Variants in SBNO1 observed in about 807,000 individuals in gnomAD.
SBNO1 encodes the protein protein strawberry notch homolog 1.
SBNO1 carries 23 observed loss-of-function variants against 173.6 expected under a neutral mutation model. The ratio of observed to expected loss-of-function variants is 0.13; its 90% CI spans 0.10 to 0.19. The LOEUF is 0.19. SBNO1 is among the 10% of genes least tolerant of loss of function. SBNO1 has a pLI of 1.00. For missense variants in SBNO1, 1,238 were observed against 1,671.2 expected (o/e 0.74, Z 4.52); for synonymous variants, 632 against 571.5 (o/e 1.11, Z -1.51).
At chr12:123,300,681 G>A (rs1285436763) in intron 30 of SBNO1, among the ~76,000 whole-genome samples, 6 of 149,076 alleles carry the variant, frequency 4.0e-5, no homozygotes, top group Non-Finnish European at 5.9e-5. Context: ...GTTTGTAGGG[G>A]CAAGGCGCGG....
At chr12:123,362,981 G>A (rs966288865) in intron 1 of SBNO1, among the ~76,000 whole-genome samples, 2 of 151,852 alleles carry the variant, frequency 1.3e-5, no homozygotes, top group African/African-American at 2.4e-5. Context: ...CAGCTACTCC[G>A]GAGGCTGAAG....
In SBNO1 at chr12:123,320,579, G is replaced by C; in HGVS notation, c.2520C>G (p.Ser840Arg). ...CCACAGCATCCTGACTTGTTATAAGGCTACTGTTACTGTTGGTGTTACTGT... is the reference window on the plus strand; with the variant it reads ...CCACAGCATCCTGACTTGTTATAAGCCTACTGTTACTGTTGGTGTTACTGT... ...PANSNTNSNS[S>R]LITSQDAVER... The change falls in exon 19 of 32, where the codon AGC (serine) becomes AGG (arginine). Residue 840 changes from serine to arginine, a missense_variant. Physicochemically the swap from Ser to Arg is moderately radical, Grantham distance 110 (BLOSUM62 -1). Coordinates refer to ENST00000602398, the MANE Select transcript of SBNO1 (RefSeq NM_001167856.3). The C allele has an allele frequency of 1.9e-6, 3 of 1,613,894 alleles. No homozygotes were observed. Among genetic ancestry groups the C allele is most frequent in the Non-Finnish European group, 2.5e-6 (3 of 1,179,910 alleles).
chr12:123,364,382 C>G (rs941704967), intron 1 of SBNO1: 1 of 985,334 alleles, frequency 1.0e-6, no homozygotes, highest in Non-Finnish European at 1.2e-6. Flanking sequence ...TGCACAGACC[C>G]TGCCCCGCGG....
chr12:123,316,311 G>A (rs980321026), intron 21 of SBNO1, among the ~76,000 whole-genome samples: 13 of 152,030 alleles, frequency 8.6e-5, no homozygotes, highest in African/African-American at 1.2e-4. Flanking sequence ...TGCAACCTCC[G>A]CCTCCCGGGT....
At chr12:123,342,119 C>T (rs534973520) in intron 4 of SBNO1, among the ~76,000 whole-genome samples, 18 of 152,086 alleles carry the variant, frequency 1.2e-4, no homozygotes, top group African/African-American at 3.9e-4. Flanking sequence ...GGCATGGTGG[C>T]GCATGCTCAT....
chr12:123,320,890 G>A (rs751122601), intron 17 of SBNO1, 24 bp from the exon 18 acceptor site: 1 of 1,493,518 alleles, frequency 6.7e-7, no homozygotes, highest in South Asian at 1.3e-5. Context: ...AAAGATACAT[G>A]TCAAATCATT....
At chr12:123,339,045 A>G (rs765378629) in intron 5 of SBNO1, among the ~76,000 whole-genome samples, 4 of 152,144 alleles carry the variant, frequency 2.6e-5, no homozygotes, top group Non-Finnish European at 5.9e-5. Flanking sequence ...TGAGAACCAC[A>G]TAAAACATTT....
Position 123,345,484 on chromosome 12 carries a change from T to C in SBNO1, c.324A>G (p.Thr108=). 1 of 1,614,036 alleles carries C rather than the reference T, an allele frequency of 6.2e-7. No homozygotes were observed. The highest frequency in any genetic ancestry group is 8.5e-7 in the Non-Finnish European group (1 of 1,179,908). Residue 108 remains threonine (T), a synonymous_variant, in exon 4 of 32, where the codon ACA becomes ACG. Coordinates refer to ENST00000602398, the MANE Select transcript of SBNO1 (RefSeq NM_001167856.3). The part of the protein sequence containing the change: ...PLGSTIVMTK[T]PPVTTNRQTI... ...TTTGCCTGTTGGTTGTTACAGGTGG[T>C]GTTTTAGTCATTACAATTGTAGATC...
At chr12:123,326,361 A>G (rs201053622) in intron 13 of SBNO1, 27 bp from the exon 14 acceptor site, 7 of 1,488,114 alleles carry the variant, frequency 4.7e-6, no homozygotes. Context: ...AACATTTCAG[A>G]CACTTCATCT....
chr12:123,335,817 CAG>C (rs529738252), intron 6 of SBNO1, among the ~76,000 whole-genome samples: 17 of 152,136 alleles, frequency 1.1e-4, no homozygotes, highest in Admixed American at 2.0e-4. Flanking sequence ...ATAAGAAAAA[CAG>C]AATTTCAGAT....
At chr12:123,340,777 T>C (rs1033363502) in intron 5 of SBNO1, among the ~76,000 whole-genome samples, 1 of 152,108 alleles carries the variant, frequency 6.6e-6, no homozygotes, top group African/African-American at 2.4e-5. Flanking sequence ...TGCATGTTAG[T>C]GCCACACTCC....
chr12:123,297,680 G>C (rs900086182), intron 31 of SBNO1, among the ~76,000 whole-genome samples: 2 of 152,064 alleles, frequency 1.3e-5, no homozygotes, highest in Admixed American at 1.3e-4. Flanking sequence ...CTGGGCAAGA[G>C]GCTGAACTGT....
chr12:123,328,701 A>G, intron 10 of SBNO1, 33 bp downstream of exon 10: 1 of 1,429,216 alleles, frequency 7.0e-7, no homozygotes. Context: ...TCTTGTCGTT[A>G]AAAAATAGAA....
At chr12:123,302,954 TTACC>T (rs2048832247) in intron 29 of SBNO1, 54 bp from the exon 30 acceptor site, 4 of 1,321,510 alleles carry the variant, frequency 3.0e-6, no homozygotes, top group Non-Finnish European at 4.4e-6. Flanking sequence ...AATAAACTGG[TTACC>T]TAGTCTGGTC....
Position 123,327,410 on chromosome 12 carries a change from A to C in SBNO1, c.1692+16T>G, listed in dbSNP as rs770711424. On this transcript the variant is annotated intron_variant, in intron 13 of 31. Coordinates refer to ENST00000602398, the MANE Select transcript of SBNO1 (RefSeq NM_001167856.3). ...ATACATTAAATAAACACTAGGAATT[A>C]AGAAAAATTCCTCACCAGCTTGACA... The C allele has an allele frequency of 4.4e-6, 7 of 1,599,946 alleles. No individual in the cohort carries two copies. In the South Asian group the frequency reaches 6.7e-5, roughly 15 times the overall value.
Position 123,323,812 on chromosome 12 carries a change from T to C in SBNO1, c.1993A>G (p.Ile665Val), listed in dbSNP as rs756195658. ...TCTGGAGCAGGAAAATGTTTTTCAATGAGTGACTGCAACACACCTCTGTAG... is the reference window on the plus strand; with the variant it reads ...TCTGGAGCAGGAAAATGTTTTTCAACGAGTGACTGCAACACACCTCTGTAG... ...STAKGVLQSL[I>V]EKHFPAPDRK... The change falls in exon 16 of 32, where the codon ATT (isoleucine) becomes GTT (valine). Residue 665 changes from isoleucine to valine, a missense_variant. Transcript: ENST00000602398. 2 of 1,611,300 alleles carry C rather than the reference T, an allele frequency of 1.2e-6. No homozygotes were observed. Among genetic ancestry groups the C allele is most frequent in the Non-Finnish European group, 1.7e-6 (2 of 1,179,120 alleles).
Position 123,334,057 on chromosome 12 carries a change from G to A in SBNO1, c.905C>T (p.Ala302Val), listed in dbSNP as rs1379854266. The change falls in exon 7 of 32, where the codon GCC becomes GTC. Residue 302 changes from alanine to valine, a missense_variant. Transcript: ENST00000602398. ...TTATGAAATATTATTGCTTACCTGG[G>A]CTGCATATGTAATTGCCTCAAGCTG... ...ALQLEAITYA[A>V]QQHETFLPNG... 16 of 1,569,134 alleles carry A rather than the reference G, an allele frequency of 1.0e-5. No individual in the cohort carries two copies. The highest frequency in any genetic ancestry group is 1.4e-5 in the Non-Finnish European group (16 of 1,158,074).
At position 123,331,340 on chromosome 12, in the gene SBNO1, A is replaced by T. The variant is rs777701318; in HGVS notation, c.945T>A (p.Ala315=). The change falls in exon 8 of 32, where the codon GCT becomes GCA. Residue 315 remains alanine (A), a synonymous_variant. Coordinates refer to ENST00000602398, the MANE Select transcript of SBNO1 (RefSeq NM_001167856.3). ...HETFLPNGDR[A]GFLIGDGAGV... ...CGGCACCATCACCTATTAAGAAGCCAGCACGATCTCCATTAGGTAGGAAAG... is the reference window on the plus strand; with the variant it reads ...CGGCACCATCACCTATTAAGAAGCCTGCACGATCTCCATTAGGTAGGAAAG... The T allele has an allele frequency of 4.3e-6, 7 of 1,613,896 alleles. No individual in the cohort carries two copies. Among genetic ancestry groups the T allele is most frequent in the Non-Finnish European group, 5.9e-6 (7 of 1,179,870 alleles).
chr12:123,315,504 A>G (rs375172541), intron 22 of SBNO1, 44 bp downstream of exon 22: 6 of 1,587,038 alleles, frequency 3.8e-6, no homozygotes, highest in Non-Finnish European at 5.2e-6. Flanking sequence ...AAACAGGTAC[A>G]ATAGATCATC....
Sources: allele counts gnomAD v4.1 joint callset (sites outside exome capture counted in the v4.1 genomes callset), GRCh38; gene constraint gnomAD v4.1.1; transcripts MANE v1.5; gene names NCBI Gene and HGNC (gene_info 2026-07-23, HGNC 2026-07-21).